Variants in ST7L observed in about 807,000 individuals in gnomAD.
The protein encoded by ST7L is suppressor of tumorigenicity 7 protein-like.
ST7L carries 57 observed loss-of-function variants against 72.5 expected under a neutral mutation model. The observed-to-expected ratio is 0.79, with a 90% CI of 0.64 to 0.98. ST7L has a LOEUF of 0.98. ST7L is among the 50% of genes least tolerant of loss of function. The pLI, the probability that ST7L is intolerant of heterozygous loss-of-function variation, is 0.00. For synonymous variants in ST7L, 221 were observed against 240.9 expected (o/e 0.92, Z 0.77); for missense variants, 576 against 672.2 (o/e 0.86, Z 1.58).
intron 11 of ST7L, among the ~76,000 whole-genome samples, chr1:112,569,186 T>G (rs1661630189): frequency 6.6e-6 from 1 of 152,106 alleles, no homozygotes; most frequent in African/African-American, 2.4e-5. Flanking sequence ...TTAAACAGAA[T>G]TACTTGCGAT....
intron 12 of ST7L, among the ~76,000 whole-genome samples, chr1:112,551,693 T>C (rs1220395064): frequency 2.0e-5 from 3 of 152,370 alleles, no homozygotes; most frequent in East Asian, 3.9e-4. Context: ...CCGATCTAGA[T>C]TGTCACCAAC....
At chr1:112,557,091 G>A (rs1217681731) in intron 11 of ST7L, among the ~76,000 whole-genome samples, 1 of 150,008 alleles carries the variant, frequency 6.7e-6, no homozygotes, top group East Asian at 2.0e-4. Flanking sequence ...AGCCTTTATT[G>A]AGATATAATT....
chr1:112,599,073 A>AAAAAAAAAATATATATATATATAT (rs1190968815), intron 4 of ST7L, among the ~76,000 whole-genome samples: 1 of 56,994 alleles, frequency 1.8e-5, no homozygotes, highest in African/African-American at 6.9e-5. Flanking sequence ...AAAAAAAAAA[A>AAAAAAAAAATATATATATATATAT]ATATATATAT....
intron 11 of ST7L, among the ~76,000 whole-genome samples, chr1:112,558,061 A>C (rs765734061): frequency 6.6e-6 from 1 of 152,230 alleles, no homozygotes; most frequent in Non-Finnish European, 1.5e-5. Context: ...AAACCTTTAA[A>C]AACTTACTTA....
At position 112,523,525 on chromosome 1, in the gene ST7L, C is replaced by T. The variant is rs2101111227; in HGVS notation, c.*2488G>A. On this transcript the variant is annotated 3_prime_UTR_variant, in exon 15 of 15. Coordinates refer to ENST00000358039, the MANE Select transcript of ST7L (RefSeq NM_017744.5). ...CAAATAGACACTAATTTATTTGGAA[C>T]AAGCAGCAAAATGAGAACTTTATTT... is the stretch of plus-strand genomic sequence containing the variant. 1 of 152,268 alleles carries T rather than the reference C, an allele frequency of 6.6e-6. No individual in the cohort carries two copies. The highest frequency in any genetic ancestry group is 6.5e-5 in the Admixed American group (1 of 15,300). 9.4% of individuals were successfully genotyped at this position (152,268 alleles called of 1,614,324 possible).
At chr1:112,580,305 C>G (rs746866331) in intron 9 of ST7L, among the ~76,000 whole-genome samples, 13 of 152,184 alleles carry the variant, frequency 8.5e-5, no homozygotes, top group Non-Finnish European at 1.6e-4. Context: ...CATGCCACCA[C>G]ACCCAGCTAA....
At chr1:112,543,383 A>G (rs898499902) in intron 13 of ST7L, among the ~76,000 whole-genome samples, 2 of 152,062 alleles carry the variant, frequency 1.3e-5, no homozygotes, top group Non-Finnish European at 2.9e-5. Context: ...CCCCGTCTCT[A>G]CTAAAAATAT....
intron 3 of ST7L, chr1:112,607,463 G>A (rs1184970009): frequency 6.6e-6 from 1 of 152,138 alleles, no homozygotes; most frequent in African/African-American, 2.4e-5. Context: ...ACTCTGGCAT[G>A]GTGGCAGGTG....
intron 2 of ST7L, among the ~76,000 whole-genome samples, chr1:112,616,234 C>T (rs930538830): frequency 1.2e-4 from 18 of 152,290 alleles, no homozygotes; most frequent in Admixed American, 1.2e-3. Flanking sequence ...TTGGGCTCTG[C>T]AGGCATTTAA....
chr1:112,602,158 A>C (rs1667523312), intron 3 of ST7L, among the ~76,000 whole-genome samples: 1 of 152,112 alleles, frequency 6.6e-6, no homozygotes, highest in South Asian at 2.1e-4. Context: ...TATGTACTAC[A>C]GTAAAGAGTT....
intron 13 of ST7L, among the ~76,000 whole-genome samples, chr1:112,544,525 G>T (rs1656743095): frequency 6.6e-6 from 1 of 152,152 alleles, no homozygotes; most frequent in African/African-American, 2.4e-5. Flanking sequence ...AATCCCCTTT[G>T]CCCTGTCCCT....
At position 112,597,961 on chromosome 1, in the gene ST7L, T is replaced by C. The variant is rs12049572; in HGVS notation, c.622+10A>G. On this transcript the variant is annotated intron_variant, in intron 5 of 14. Coordinates refer to ENST00000358039, the MANE Select transcript of ST7L (RefSeq NM_017744.5). The stretch of plus-strand genomic sequence containing the variant: ...TCACTGTTTATACTATGAACAGATA[T>C]GATACATACCTGTGTCTGAAGGACG... 0.22 allele frequency: 346,554 copies of C among 1,596,204 alleles called. 41,294 individuals are homozygous for C. The highest frequency in any genetic ancestry group is 0.47 in the East Asian group (20,835 of 44,598).
chr1:112,530,952 AAT>A (rs1417440290), intron 14 of ST7L, among the ~76,000 whole-genome samples: 8 of 152,220 alleles, frequency 5.3e-5, no homozygotes, highest in Admixed American at 2.0e-4. Context: ...GCCTTATCCC[AAT>A]ATCCTTTTAT....
At chr1:112,550,121 C>T (rs1292495474) in intron 13 of ST7L, among the ~76,000 whole-genome samples, 1 of 152,084 alleles carries the variant, frequency 6.6e-6, no homozygotes, top group African/African-American at 2.4e-5. Context: ...AGGTAAATCC[C>T]ACTTGGTCAT....
At chr1:112,534,173 A>G (rs1486611025) in intron 14 of ST7L, among the ~76,000 whole-genome samples, 1 of 152,222 alleles carries the variant, frequency 6.6e-6, no homozygotes, top group African/African-American at 2.4e-5. Flanking sequence ...TAACTCTTTT[A>G]GGAAAGTTTC....
chr1:112,562,687 G>A (rs914365664), intron 11 of ST7L, among the ~76,000 whole-genome samples: 2 of 152,120 alleles, frequency 1.3e-5, no homozygotes, highest in African/African-American at 4.8e-5. Flanking sequence ...CTGGCAAAGA[G>A]TAAGGCTGGA....
intron 4 of ST7L, 39 bp downstream of exon 4, chr1:112,600,755 A>T (rs1301330129): frequency 6.4e-7 from 1 of 1,562,654 alleles, no homozygotes; most frequent in East Asian, 2.2e-5. Flanking sequence ...TTTACTCTAA[A>T]ACCAATGCCC....
At chr1:112,563,634 T>G (rs1407956366) in intron 11 of ST7L, among the ~76,000 whole-genome samples, 1 of 152,122 alleles carries the variant, frequency 6.6e-6, no homozygotes, top group Non-Finnish European at 1.5e-5. Context: ...TTCAAATGAG[T>G]AAAACAAGAG....
In ST7L at chr1:112,600,834, T is replaced by C. The variant is rs1229841038; in HGVS notation, c.466A>G (p.Arg156Gly). The C allele has an allele frequency of 1.2e-6, 2 of 1,609,738 alleles. No homozygotes were observed. The highest frequency in any genetic ancestry group is 1.7e-6 in the Non-Finnish European group (2 of 1,177,612). ...CCTCTGAAAAGATTTAGAGGGTTTC[T>C]CCATACCTTACATTCTGAAAAACAA... is the stretch of plus-strand genomic sequence containing the variant. ...RQNLSECKVW[R>G]NPLNLFRGAE... is the part of the protein sequence containing the mutation. The change falls in exon 4 of 15, where the codon AGA (arginine) becomes GGA (glycine). Residue 156 changes from arginine to glycine, a missense_variant. Arg to Gly is a moderately radical substitution (Grantham distance 125, BLOSUM62 -2). This residue lies in a region of ST7L where 511 missense variants were observed against 600.7 expected (regional missense o/e 0.85). Transcript: ENST00000358039.
Sources: allele counts gnomAD v4.1 joint callset (sites outside exome capture counted in the v4.1 genomes callset), GRCh38; gene constraint gnomAD v4.1.1; regional missense constraint gnomAD v4.1.1; transcripts MANE v1.5; gene names NCBI Gene and HGNC (gene_info 2026-07-23, HGNC 2026-07-21).